The following TRHDE variants were observed in gnomAD, a reference collection of about 807,000 sequenced individuals.
The protein encoded by TRHDE is thyrotropin releasing hormone degrading enzyme.
In TRHDE, 72 loss-of-function variants were observed where a neutral mutation model predicts 125.7. The observed-to-expected ratio is 0.57, with a 90% CI of 0.47 to 0.70. TRHDE has a LOEUF of 0.70. Ranked by LOEUF, TRHDE falls within the 30% of genes least tolerant of loss-of-function variation. The probability of loss-of-function intolerance (pLI) is 0.00; values close to 1 mark genes in which losing one functional copy is unlikely to be tolerated. For synonymous variants in TRHDE, 509 were observed against 509.1 expected (o/e 1.00, Z 0.00); for missense variants, 1,110 against 1,327.1 (o/e 0.84, Z 2.54).
intron 2 of TRHDE, among the ~76,000 whole-genome samples, chr12:72,132,013 G>C (rs1421696556): frequency 1.3e-5 from 2 of 152,178 alleles, no homozygotes; most frequent in Non-Finnish European, 2.9e-5. Flanking sequence ...ATTTGCAGAT[G>C]ACTAATTTTT....
intron 12 of TRHDE, among the ~76,000 whole-genome samples, chr12:72,577,358 C>T (rs1829531840): frequency 6.6e-6 from 1 of 152,292 alleles, no homozygotes; most frequent in Non-Finnish European, 1.5e-5. Context: ...ACTATTCCCA[C>T]TCTAAGTGTG....
chr12:72,350,771 T>G (rs1870546390), intron 2 of TRHDE, among the ~76,000 whole-genome samples: 1 of 151,990 alleles, frequency 6.6e-6, no homozygotes, highest in African/African-American at 2.4e-5. Context: ...TATTAACAAA[T>G]AATTTGATAC....
chr12:72,185,581 G>A (rs1383181314), intron 2 of TRHDE, among the ~76,000 whole-genome samples: 1 of 152,192 alleles, frequency 6.6e-6, no homozygotes, highest in African/African-American at 2.4e-5. Flanking sequence ...AGCACCCTGT[G>A]TTTAGCTCAA....
chr12:72,591,244 T>G (rs1381046424), intron 12 of TRHDE, among the ~76,000 whole-genome samples: 1 of 152,224 alleles, frequency 6.6e-6, no homozygotes, highest in African/African-American at 2.4e-5. Context: ...CAATTCAAGA[T>G]GAGATTTGGG....
intron 12 of TRHDE, among the ~76,000 whole-genome samples, chr12:72,611,786 T>C (rs3843025): frequency 0.41 from 61,902 of 151,936 alleles, 14,658 homozygotes; most frequent in African/African-American, 0.65. Context: ...CAGTAAGAGA[T>C]AAAAAGGAGA....
intron 15 of TRHDE, among the ~76,000 whole-genome samples, chr12:72,650,174 C>T (rs1403943467): frequency 2.6e-5 from 4 of 152,084 alleles, no homozygotes. Flanking sequence ...GTAGTGTACA[C>T]ATACAATGAA....
intron 2 of TRHDE, among the ~76,000 whole-genome samples, chr12:72,203,143 TAGAGAG>T (rs572696783): frequency 6.7e-6 from 1 of 149,480 alleles, no homozygotes; most frequent in South Asian, 2.1e-4. Context: ...GAAAGAGAGA[TAGAGAG>T]AGAGAGAGAG....
At chr12:72,487,979 C>T (rs1877488485) in intron 5 of TRHDE, among the ~76,000 whole-genome samples, 1 of 151,620 alleles carries the variant, frequency 6.6e-6, no homozygotes, top group Admixed American at 6.6e-5. Flanking sequence ...TTTATTTAAG[C>T]CTCATGACAA....
intron 12 of TRHDE, among the ~76,000 whole-genome samples, chr12:72,610,041 T>G (rs914929176): frequency 7.2e-5 from 11 of 152,180 alleles, no homozygotes; most frequent in Non-Finnish European, 1.6e-4. Context: ...TTTCAGGCAG[T>G]AGTCTGTATT....
chr12:72,627,420 G>T (rs1873305653), intron 15 of TRHDE, among the ~76,000 whole-genome samples: 1 of 151,788 alleles, frequency 6.6e-6, no homozygotes, highest in South Asian at 2.1e-4. Flanking sequence ...ATTTTTGCCT[G>T]CAGAGTCCTA....
At chr12:72,251,826 T>G (rs940168918) in intron 2 of TRHDE, among the ~76,000 whole-genome samples, 1 of 152,070 alleles carries the variant, frequency 6.6e-6, no homozygotes, top group Non-Finnish European at 1.5e-5. Flanking sequence ...TTGCCAATAT[T>G]TGGTGGTGTT....
At chr12:72,640,418 G>A (rs1874005057) in intron 15 of TRHDE, among the ~76,000 whole-genome samples, 1 of 152,228 alleles carries the variant, frequency 6.6e-6, no homozygotes, top group African/African-American at 2.4e-5. Flanking sequence ...ACTTCCTAGT[G>A]AGATGAACCC....
chr12:72,140,823 A>G (rs368866688), intron 2 of TRHDE, among the ~76,000 whole-genome samples: 1 of 152,212 alleles, frequency 6.6e-6, no homozygotes. Flanking sequence ...TTTTGGCAGA[A>G]CAGCCAATAA....
chr12:72,446,652 A>G lies in TRHDE; in HGVS notation c.1316-23106A>G, dbSNP rs548069195. Among the ~76,000 whole-genome samples the G allele has an allele frequency of 3.2e-3, 486 of 152,094 alleles. 3 individuals are homozygous for G. Among genetic ancestry groups the G allele is most frequent in the African/African-American group, 0.011 (464 of 41,520 alleles). On this transcript the variant is annotated intron_variant, in intron 3 of 18. Coordinates refer to ENST00000261180, the MANE Select transcript of TRHDE (RefSeq NM_013381.3). ...AGACACACATAGGCTCAAAATAAAG[A>G]GATGGAGGAAGATCTACCAAGCAAA...
intron 6 of TRHDE, among the ~76,000 whole-genome samples, chr12:72,511,536 C>T (rs1878579988): frequency 1.3e-5 from 2 of 152,206 alleles, no homozygotes; most frequent in Middle Eastern, 3.4e-3. Flanking sequence ...GGACCAGCAG[C>T]AATTTTAAGT....
intron 3 of TRHDE, among the ~76,000 whole-genome samples, chr12:72,382,574 T>C (rs188956547): frequency 4.6e-5 from 7 of 152,318 alleles, no homozygotes; most frequent in Admixed American, 3.9e-4. Context: ...GCCTCTTTCA[T>C]TGGTTTGCAT....
chr12:72,577,003 T>C (rs1008249629), intron 12 of TRHDE, among the ~76,000 whole-genome samples: 15 of 152,030 alleles, frequency 9.9e-5, no homozygotes, highest in Non-Finnish European at 1.8e-4. Flanking sequence ...TGCTGAATCA[T>C]GTGTGGAGAT....
chr12:72,477,860 A>G (rs886619988), intron 5 of TRHDE, among the ~76,000 whole-genome samples: 13 of 152,172 alleles, frequency 8.5e-5, no homozygotes, highest in African/African-American at 2.9e-4. Flanking sequence ...TGTGTTGTCT[A>G]TATTCTAGGT....
chr12:72,497,437 A>G (rs529528742), intron 5 of TRHDE, among the ~76,000 whole-genome samples: 1 of 152,302 alleles, frequency 6.6e-6, no homozygotes, highest in East Asian at 1.9e-4. Flanking sequence ...ATTAAAATTA[A>G]GGTTTAAATA....
Sources: gnomAD v4.1 joint callset for allele counts (sites outside exome capture counted in the v4.1 genomes callset) on GRCh38, gnomAD v4.1.1 for gene constraint, MANE v1.5 for transcripts, NCBI Gene and HGNC (gene_info 2026-07-23, HGNC 2026-07-21) for gene names.